The following HMGN3 variants were observed in gnomAD, a reference collection of about 807,000 sequenced individuals.
HMGN3 encodes high mobility group nucleosome-binding domain-containing protein 3.
HMGN3 carries 6 observed loss-of-function variants against 18.8 expected under a neutral mutation model. The ratio of observed to expected loss-of-function variants is 0.32; its 90% confidence interval spans 0.18 to 0.63. HMGN3 has a LOEUF of 0.63. HMGN3 is among the 30% of genes least tolerant of loss of function. The pLI, the probability that HMGN3 is intolerant of heterozygous loss-of-function variation, is 0.79. For synonymous variants in HMGN3, 40 were observed against 36.5 expected (o/e 1.10, Z -0.35); for missense variants, 107 against 114.2 (o/e 0.94, Z 0.29).
intron 1 of HMGN3, among the ~76,000 whole-genome samples, chr6:79,233,363 A>C: frequency 6.6e-6 from 1 of 152,356 alleles, no homozygotes; most frequent in African/African-American, 2.4e-5. Context: ...TAGTAATAAC[A>C]TATAAGAAGG....
rs760480622 is a variant in HMGN3, at chr6:79,203,648, A to C, written c.97-18T>G. On this transcript the variant is annotated intron_variant, in intron 3 of 5. Transcript: ENST00000344726. ...GCAGGTTTCTGCAAAGATAATTTAAATTACACAAATACTGAAAAAAAAAAA... is the reference window on the plus strand; with the variant it reads ...GCAGGTTTCTGCAAAGATAATTTAACTTACACAAATACTGAAAAAAAAAAA... The C allele has an allele frequency of 1.3e-6, 2 of 1,560,002 alleles. No individual in the cohort carries two copies. The highest frequency in any genetic ancestry group is 1.7e-6 in the Non-Finnish European group (2 of 1,153,112).
intron 3 of HMGN3, 105 bp downstream of exon 3, chr6:79,208,439 AAAT>A (rs1751485130): frequency 4.0e-6 from 4 of 997,958 alleles, no homozygotes; most frequent in Non-Finnish European, 6.3e-6. Context: ...TTCAAAAAGA[AAAT>A]AAGCTCATGG....
chr6:79,220,999 G>C (rs1777255142), intron 1 of HMGN3, among the ~76,000 whole-genome samples: 1 of 152,066 alleles, frequency 6.6e-6, no homozygotes, highest in African/African-American at 2.4e-5. Context: ...ATTCTCAGTG[G>C]TGGGTAAATA....
chr6:79,222,426 CA>C (rs200884384), intron 1 of HMGN3, among the ~76,000 whole-genome samples: 1,922 of 152,268 alleles, frequency 0.013, 41 homozygotes, highest in African/African-American at 0.044. Context: ...CTAAAATGAA[CA>C]CATAACTACT....
At chr6:79,215,399 T>A (rs1192454695) in intron 1 of HMGN3, among the ~76,000 whole-genome samples, 1 of 152,198 alleles carries the variant, frequency 6.6e-6, no homozygotes, top group Non-Finnish European at 1.5e-5. Context: ...TTCCAGTCAC[T>A]CCATTCCTTT....
rs1450098980 is a variant in HMGN3 at position 79,214,385 on chromosome 6, T to TGGA, written c.66+586_66+587insTCC. Reference sequence around the variant, plus strand: ...CCTGGCTAACTTTTTATATTTTTAGTAGAGATGGGGTTTCACCGTGTTAGC... The same window carrying TGGA: ...CCTGGCTAACTTTTTATATTTTTAGTGGAAGAGATGGGGTTTCACCGTGTTAGC... On this transcript the variant is annotated intron_variant, in intron 2 of 5. Transcript: ENST00000344726. Among the ~76,000 whole-genome samples, 41 of 152,120 alleles carry TGGA rather than the reference T, an allele frequency of 2.7e-4. No homozygotes were observed. In the Middle Eastern group the frequency reaches 0.01, roughly 38 times the overall value.
intron 1 of HMGN3, among the ~76,000 whole-genome samples, chr6:79,229,403 G>A (rs558346359): frequency 6.6e-6 from 1 of 152,216 alleles, no homozygotes; most frequent in East Asian, 1.9e-4. Flanking sequence ...TTTCACATAT[G>A]ATACACATTA....
chr6:79,207,540 C>G (rs1395179764), intron 3 of HMGN3, among the ~76,000 whole-genome samples: 5 of 152,118 alleles, frequency 3.3e-5, no homozygotes, highest in Admixed American at 3.3e-4. Flanking sequence ...ATTAAACCTC[C>G]TTCTTTTGTA....
At chr6:79,227,890 G>C (rs771471270) in intron 1 of HMGN3, among the ~76,000 whole-genome samples, 1 of 152,170 alleles carries the variant, frequency 6.6e-6, no homozygotes, top group Admixed American at 6.5e-5. Flanking sequence ...TGCTATGGGG[G>C]ATGAAAGGAA....
intron 1 of HMGN3, among the ~76,000 whole-genome samples, chr6:79,231,385 A>G (rs1486979593): frequency 6.6e-6 from 1 of 152,140 alleles, no homozygotes; most frequent in African/African-American, 2.4e-5. Flanking sequence ...TTCCCCTGTA[A>G]TTCCACTCAC....
exon 6 of HMGN3, chr6:79,201,559 C>T (rs1028202317): frequency 2.9e-5 from 19 of 657,444 alleles, no homozygotes; most frequent in Middle Eastern, 3.5e-4. Flanking sequence ...AAATGTCCAT[C>T]CTTATATATT....
At chr6:79,221,045 T>A (rs1236910970) in intron 1 of HMGN3, among the ~76,000 whole-genome samples, 2 of 152,188 alleles carry the variant, frequency 1.3e-5, no homozygotes, top group Non-Finnish European at 2.9e-5. Flanking sequence ...TCTCTGTATT[T>A]ATGTTTTTTT....
intron 3 of HMGN3, among the ~76,000 whole-genome samples, chr6:79,204,678 G>A (rs555739119): frequency 1.3e-5 from 2 of 152,256 alleles, no homozygotes; most frequent in African/African-American, 2.4e-5. Context: ...GGTAATTCAC[G>A]TTCACACTGA....
chr6:79,203,508 A>G (rs1776255002), intron 4 of HMGN3, 72 bp downstream of exon 4: 1 of 1,246,132 alleles, frequency 8.0e-7, no homozygotes, highest in African/African-American at 1.5e-5. Flanking sequence ...CTTTCTTTGA[A>G]TGATTCTGAG....
intron 1 of HMGN3, among the ~76,000 whole-genome samples, chr6:79,219,741 T>C (rs1777174188): frequency 6.6e-6 from 1 of 152,178 alleles, no homozygotes; most frequent in Non-Finnish European, 1.5e-5. Context: ...CACCCTGTAA[T>C]TAATGCAAAA....
intron 1 of HMGN3, among the ~76,000 whole-genome samples, chr6:79,232,484 C>T (rs142350730): frequency 6.6e-6 from 1 of 152,284 alleles, no homozygotes; most frequent in East Asian, 1.9e-4. Context: ...AGGAATGACA[C>T]ACAGGTGCCT....
intron 1 of HMGN3, among the ~76,000 whole-genome samples, chr6:79,224,429 T>A (rs536011038): frequency 6.6e-6 from 1 of 152,240 alleles, no homozygotes; most frequent in African/African-American, 2.4e-5. Context: ...CCATCATTCA[T>A]GAGCCTCTTG....
At chr6:79,202,193 G>T in intron 5 of HMGN3, 38 bp from the exon 6 acceptor site, 1 of 1,608,878 alleles carries the variant, frequency 6.2e-7, no homozygotes. Flanking sequence ...GAGACATTAA[G>T]AACGTGCTAT....
chr6:79,204,391 G>A (rs1024135842), intron 3 of HMGN3, among the ~76,000 whole-genome samples: 2 of 152,190 alleles, frequency 1.3e-5, no homozygotes, highest in Admixed American at 6.5e-5. Flanking sequence ...AGCAGCACCT[G>A]CACACCGTGT....
Sources: allele counts gnomAD v4.1 joint callset (sites outside exome capture counted in the v4.1 genomes callset), GRCh38; gene constraint gnomAD v4.1.1; transcripts MANE v1.5; gene names NCBI Gene and HGNC (gene_info 2026-07-23, HGNC 2026-07-21).